TMEM260: variants seen among roughly 807,000 people sequenced by gnomAD.
TMEM260 encodes transmembrane protein 260.
Under a neutral mutation model 88.9 loss-of-function variants are expected in TMEM260, and 82 were observed. That is an observed-to-expected ratio of 0.92 (90% CI 0.77 to 1.11). The LOEUF is 1.11. Ranked by LOEUF, TMEM260 falls within the 50% of genes least tolerant of loss-of-function variation. TMEM260 has a pLI of 0.00. For missense variants in TMEM260, 902 were observed against 853.4 expected (o/e 1.06, Z -0.71); for synonymous variants, 314 against 309.3 (o/e 1.02, Z -0.16).
At chr14:56,643,219 T>C (rs1889727142) in intron 15 of TMEM260, among the ~76,000 whole-genome samples, 1 of 152,048 alleles carries the variant, frequency 6.6e-6, no homozygotes, top group South Asian at 2.1e-4. Flanking sequence ...AAAAGAATTT[T>C]AGACCAGTAT....
At chr14:56,590,434 C>A (rs1218817048) in intron 3 of TMEM260, among the ~76,000 whole-genome samples, 1 of 152,212 alleles carries the variant, frequency 6.6e-6, no homozygotes, top group Admixed American at 6.5e-5. Flanking sequence ...AGGCAATATT[C>A]TGAGCGGTGG....
At chr14:56,582,313 A>T (rs566067056) in intron 1 of TMEM260, among the ~76,000 whole-genome samples, 5 of 152,316 alleles carry the variant, frequency 3.3e-5, no homozygotes, top group African/African-American at 1.2e-4. Flanking sequence ...ACCACTTGAC[A>T]CACACAGTTC....
At chr14:56,596,502 C>T (rs1886239569) in intron 3 of TMEM260, among the ~76,000 whole-genome samples, 1 of 149,682 alleles carries the variant, frequency 6.7e-6, no homozygotes, top group South Asian at 2.1e-4. Flanking sequence ...CATGGTGGCT[C>T]ACGCCTGTAA....
intron 3 of TMEM260, among the ~76,000 whole-genome samples, chr14:56,600,729 G>A (rs1341686867): frequency 6.6e-6 from 1 of 152,164 alleles, no homozygotes; most frequent in Non-Finnish European, 1.5e-5. Flanking sequence ...CTGCTGTTGG[G>A]AAACAAACAT....
intron 15 of TMEM260, among the ~76,000 whole-genome samples, chr14:56,639,484 C>CTATATTTGTATAGAAATATG (rs1384618298): frequency 6.6e-6 from 1 of 152,122 alleles, no homozygotes; most frequent in Non-Finnish European, 1.5e-5. Flanking sequence ...TCTAACAGGT[C>CTATATTTGTATAGAAATATG]TATATTTGTA....
At chr14:56,610,537 C>T (rs1347606839) in intron 6 of TMEM260, among the ~76,000 whole-genome samples, 4 of 152,068 alleles carry the variant, frequency 2.6e-5, no homozygotes, top group Non-Finnish European at 4.4e-5. Context: ...CCACCGCGCC[C>T]GGCCAGTGAG....
intron 10 of TMEM260, chr14:56,619,470 G>A (rs988737105): frequency 6.6e-6 from 1 of 152,002 alleles, no homozygotes; most frequent in Admixed American, 6.6e-5. Flanking sequence ...CACTATACCA[G>A]CCTTAATTAT....
In TMEM260 at chr14:56,623,405, C is replaced by T. The variant is rs541349448; in HGVS notation, c.1398+1703C>T. Among the ~76,000 whole-genome samples, 9 of 152,264 alleles carry T rather than the reference C, an allele frequency of 5.9e-5. No individual in the cohort carries two copies. The East Asian group carries it at 1.7e-3, about 29-fold the overall frequency. The stretch of plus-strand genomic sequence containing the variant: ...CTTCTTCTGGGGTATCTCCCTCTCT[C>T]TATTTATTGGAAATAACATGTGCCC... On this transcript the variant is annotated intron_variant, in intron 11 of 15. Transcript: ENST00000261556.
At chr14:56,612,699 CT>C (rs375397623) in intron 7 of TMEM260, 3,917 of 139,168 alleles carry the variant, frequency 0.028, 24 homozygotes, top group South Asian at 0.042. Flanking sequence ...TTTTCCCCAA[CT>C]TTTTTTTTTT....
chr14:56,593,593 GTTA>G (rs1286089657), intron 3 of TMEM260, among the ~76,000 whole-genome samples: 2 of 147,344 alleles, frequency 1.4e-5, no homozygotes, highest in Non-Finnish European at 3.0e-5. Context: ...GCTTTCCTCC[GTTA>G]TTATGAGATC....
In TMEM260 at chr14:56,636,613, T is replaced by G; in HGVS notation, c.1869+15T>G. 3 of 1,601,076 alleles carry G rather than the reference T, an allele frequency of 1.9e-6. No individual in the cohort carries two copies. The highest frequency in any genetic ancestry group is 2.6e-6 in the Non-Finnish European group (3 of 1,168,164). On this transcript the variant is annotated intron_variant, in intron 15 of 15. Coordinates refer to ENST00000261556, the MANE Select transcript of TMEM260 (RefSeq NM_017799.4). ...AAGCATATGACGTATGTTACACTTT[T>G]ATATGTAGATATAGATATATTTGGT...
chr14:56,653,840 T>C (rs1251954102), downstream of TMEM260, among the ~76,000 whole-genome samples: 1 of 151,710 alleles, frequency 6.6e-6, no homozygotes, highest in Non-Finnish European at 1.5e-5. Flanking sequence ...AACTGACATC[T>C]ATACTAAACA....
intron 15 of TMEM260, 38 bp downstream of exon 15, chr14:56,636,636 G>C (rs763984087): frequency 2.6e-6 from 4 of 1,549,846 alleles, no homozygotes; most frequent in Non-Finnish European, 3.6e-6. Flanking sequence ...AGATATATTT[G>C]GTGGGAAGGT....
chr14:56,619,833 C>CAT lies in TMEM260; in HGVS notation c.1226+1071_1226+1072dup, dbSNP rs1407428276. Reference sequence around the variant, plus strand: ...AATCATTCTAACATAAAGACACATGCATGCGAATGTTTATTACAGCGCTAT... The same window carrying CAT: ...AATCATTCTAACATAAAGACACATGCATATGCGAATGTTTATTACAGCGCTAT... On this transcript the variant is annotated intron_variant, in intron 10 of 15. Coordinates refer to ENST00000261556, the MANE Select transcript of TMEM260 (RefSeq NM_017799.4). 3.3e-5 allele frequency among the ~76,000 whole-genome samples: 5 copies of CAT among 152,274 alleles called. No individual in the cohort carries two copies. The East Asian group carries it at 9.7e-4, about 29-fold the overall frequency.
chr14:56,627,858 CAG>C (rs1184374342), intron 12 of TMEM260, among the ~76,000 whole-genome samples: 3 of 152,234 alleles, frequency 2.0e-5, no homozygotes, highest in Admixed American at 6.5e-5. Flanking sequence ...AGTCAGGACA[CAG>C]AGCAGTCCAT....
intron 12 of TMEM260, 141 bp from the exon 13 acceptor site, chr14:56,632,854 G>A: frequency 1.5e-6 from 1 of 678,002 alleles, no homozygotes; most frequent in Non-Finnish European, 2.4e-6. Context: ...ACTAAACACA[G>A]GTAGTTAAGT....
rs61739407 is a variant in TMEM260, at chr14:56,647,262, A to G, written c.1889A>G (p.Tyr630Cys). 1.4e-4 allele frequency: 222 copies of G among 1,613,308 alleles called. No individual in the cohort carries two copies. In the African/African-American group the frequency reaches 2.4e-3, roughly 17 times the overall value. The part of the protein sequence containing the change: ...QAYDLYKEIV[Y>C]LQKEHPVNWH... The stretch of plus-strand genomic sequence containing the variant: ...TTCTAGCTTTATAAGGAGATTGTCT[A>G]TTTACAAAAGGAGCACCCAGTGAAT... Residue 630 changes from tyrosine to cysteine, a missense_variant, in exon 16 of 16, where the codon TAT becomes TGT. Physicochemically the swap from Tyr to Cys is radical, Grantham distance 194. Transcript: ENST00000261556.
At position 56,636,545 on chromosome 14, in the gene TMEM260, A is replaced by T. The variant is rs148418133; in HGVS notation, c.1816A>T (p.Thr606Ser). ...TPFFIFNLAE[T>S]AHMPSKVKAQ... ...GTTCTTCATCTTTAACCTGGCAGAA[A>T]CTGCTCACATGCCTTCAAAAGTGAA... The change falls in exon 15 of 16, where the codon ACT becomes TCT. Residue 606 changes from threonine (T) to serine (S), a missense_variant. Coordinates refer to ENST00000261556, the MANE Select transcript of TMEM260 (RefSeq NM_017799.4). 13 of 1,614,014 alleles carry T rather than the reference A, an allele frequency of 8.1e-6. No homozygotes were observed. In the African/African-American group the frequency reaches 1.7e-4, roughly 22 times the overall value.
At chr14:56,596,967 T>C (rs1424953678) in intron 3 of TMEM260, among the ~76,000 whole-genome samples, 7 of 151,982 alleles carry the variant, frequency 4.6e-5, no homozygotes, top group African/African-American at 1.7e-4. Context: ...TATATTCCTC[T>C]GGGTCTTTTT....
Sources: gnomAD v4.1 joint callset for allele counts (sites outside exome capture counted in the v4.1 genomes callset) on GRCh38, gnomAD v4.1.1 for gene constraint, MANE v1.5 for transcripts, NCBI Gene and HGNC (gene_info 2026-07-23, HGNC 2026-07-21) for gene names.